CELF2: variants seen among roughly 807,000 people sequenced by gnomAD.
CELF2 encodes the protein CUGBP Elav-like family member 2.
A neutral mutation model predicts 62.6 loss-of-function variants in CELF2; 8 were observed. That is an observed-to-expected ratio of 0.13 (90% CI 0.07 to 0.23). The LOEUF is 0.23. Ranked by LOEUF, CELF2 falls within the 10% of genes least tolerant of loss-of-function variation. The probability of loss-of-function intolerance (pLI) is 1.00; values close to 1 mark genes in which losing one functional copy is unlikely to be tolerated. For synonymous variants in CELF2, 258 were observed against 250.0 expected, an observed-to-expected ratio of 1.03 and a Z score of -0.30; for missense variants, 333 against 671.0, an observed-to-expected ratio of 0.50 and a Z score of 5.56.
At chr10:10,753,299 C>CTG in the CELF2 span, among the ~76,000 whole-genome samples, 20,999 of 149,772 alleles carry the variant, frequency 0.14, 1,909 homozygotes, top group African/African-American at 0.27. Context: ...TTCCAAAGCT[C>CTG]TGTGTGTGTG....
At chr10:10,590,683 T>C in the CELF2 span, among the ~76,000 whole-genome samples, 1 of 152,212 alleles carries the variant, frequency 6.6e-6, no homozygotes, top group East Asian at 1.9e-4. Flanking sequence ...CTGTCTCAGG[T>C]GTTCTCCACT....
chr10:10,789,670 G>A, the CELF2 span, among the ~76,000 whole-genome samples: 1 of 151,934 alleles, frequency 6.6e-6, no homozygotes. Flanking sequence ...TGGGTAAAAT[G>A]CTATATTGCA....
At chr10:10,819,517 G>C (rs1313349566) in intron 1 of CELF2, among the ~76,000 whole-genome samples, 1 of 151,954 alleles carries the variant, frequency 6.6e-6, no homozygotes, top group Non-Finnish European at 1.5e-5. Context: ...AACTCTCAAA[G>C]CATTAACGTT....
chr10:11,041,821 T>C (rs556480358), intron 1 of CELF2, among the ~76,000 whole-genome samples: 117 of 152,322 alleles, frequency 7.7e-4, no homozygotes, highest in African/African-American at 2.6e-3. Flanking sequence ...TAAGCTGATA[T>C]AGTTGGATAT....
intron 1 of CELF2, among the ~76,000 whole-genome samples, chr10:11,085,785 A>G (rs1213201746): frequency 6.6e-6 from 1 of 152,196 alleles, no homozygotes; most frequent in East Asian, 1.9e-4. Flanking sequence ...CATATTAACC[A>G]CACAGTTAAT....
the CELF2 span, among the ~76,000 whole-genome samples, chr10:10,555,628 T>C: frequency 3.3e-5 from 5 of 152,212 alleles, no homozygotes. Flanking sequence ...CTTTGGTAAA[T>C]AGCTACATTT....
At chr10:10,558,129 G>C in the CELF2 span, among the ~76,000 whole-genome samples, 2 of 152,068 alleles carry the variant, frequency 1.3e-5, no homozygotes, top group Admixed American at 1.3e-4. Context: ...CAAAGGGAAT[G>C]CTTCCAGTTT....
the CELF2 span, among the ~76,000 whole-genome samples, chr10:10,750,425 G>A: frequency 6.6e-6 from 1 of 152,220 alleles, no homozygotes; most frequent in African/African-American, 2.4e-5. Flanking sequence ...TCTGAACCAG[G>A]GAAGGCAGAT....
chr10:11,228,951 A>G (rs540743947), intron 3 of CELF2, among the ~76,000 whole-genome samples: 6 of 152,316 alleles, frequency 3.9e-5, no homozygotes, highest in African/African-American at 1.2e-4. Flanking sequence ...TTTGAATGTT[A>G]TGTGGGTCAA....
chr10:10,689,457 G>C, the CELF2 span, among the ~76,000 whole-genome samples: 1 of 151,524 alleles, frequency 6.6e-6, no homozygotes, highest in Non-Finnish European at 1.5e-5. Flanking sequence ...GGGACACAGA[G>C]CTAAACCATA....
chr10:11,236,272 A>G (rs2071234861), intron 3 of CELF2, among the ~76,000 whole-genome samples: 1 of 152,234 alleles, frequency 6.6e-6, no homozygotes, highest in Non-Finnish European at 1.5e-5. Flanking sequence ...GTTAGTTTTG[A>G]ACCAGAGATT....
At chr10:10,738,975 G>T in the CELF2 span, among the ~76,000 whole-genome samples, 15 of 151,996 alleles carry the variant, frequency 9.9e-5, no homozygotes, top group African/African-American at 3.4e-4. Flanking sequence ...GGGGTATATG[G>T]GAATTCTGTG....
the CELF2 span, among the ~76,000 whole-genome samples, chr10:10,530,620 C>T: frequency 6.6e-6 from 1 of 152,200 alleles, no homozygotes; most frequent in Non-Finnish European, 1.5e-5. Context: ...GACTCTTCCT[C>T]TGGGTGTCTG....
At chr10:10,765,515 G>A in the CELF2 span, among the ~76,000 whole-genome samples, 13 of 152,108 alleles carry the variant, frequency 8.5e-5, no homozygotes, top group East Asian at 1.9e-4. Context: ...TTGACTCCCC[G>A]ACCACAATTG....
chr10:10,974,651 G>A (rs922842423), intron 2 of CELF2, among the ~76,000 whole-genome samples: 3 of 152,190 alleles, frequency 2.0e-5, no homozygotes, highest in Non-Finnish European at 2.9e-5. Flanking sequence ...CTCTGGTTAC[G>A]TGATTATGTA....
intron 1 of CELF2, among the ~76,000 whole-genome samples, chr10:10,825,627 T>TTG (rs2057329015): frequency 6.6e-6 from 1 of 152,198 alleles, no homozygotes; most frequent in East Asian, 1.9e-4. Flanking sequence ...CATTTTTGCT[T>TTG]TGTAGGGGTC....
At chr10:10,899,335 T>TG (rs995698375) in intron 1 of CELF2, among the ~76,000 whole-genome samples, 6 of 152,100 alleles carry the variant, frequency 3.9e-5, no homozygotes, top group African/African-American at 1.4e-4. Context: ...ATGGGGTGGG[T>TG]GGGGAAAAAC....
chr10:11,104,164 A>T (rs1438184733), intron 1 of CELF2, among the ~76,000 whole-genome samples: 1 of 152,198 alleles, frequency 6.6e-6, no homozygotes, highest in South Asian at 2.1e-4. Context: ...ACAAGTCTAT[A>T]TATTTGGAGG....
At chr10:10,616,788 T>C in the CELF2 span, among the ~76,000 whole-genome samples, 2 of 150,884 alleles carry the variant, frequency 1.3e-5, no homozygotes, top group Non-Finnish European at 2.9e-5. Context: ...GGCATAATAA[T>C]CATAGCTCAC....
Sources: allele counts gnomAD v4.1 joint callset (sites outside exome capture counted in the v4.1 genomes callset), GRCh38; gene constraint gnomAD v4.1.1; transcripts MANE v1.5; gene names NCBI Gene and HGNC (gene_info 2026-07-23, HGNC 2026-07-21).